WDR73: variants seen among roughly 807,000 people sequenced by gnomAD.
The protein encoded by WDR73 is integrator complex assembly factor WDR73.
In WDR73, 30 loss-of-function variants were observed where a neutral mutation model predicts 38.2. That is an observed-to-expected ratio of 0.79 (90% CI 0.59 to 1.06). WDR73 has a LOEUF of 1.06. Ranked by LOEUF, WDR73 falls within the 50% of genes least tolerant of loss-of-function variation. The pLI is 0.00. For synonymous variants in WDR73, 197 were observed against 176.0 expected, an observed-to-expected ratio of 1.12 and a Z score of -0.94; for missense variants, 487 against 467.0, an observed-to-expected ratio of 1.04 and a Z score of -0.40.
rs942800814 is a variant in WDR73 at position 84,645,278 on chromosome 15, A to G, written c.883+193T>C. 15 of 1,489,858 alleles carry G rather than the reference A, an allele frequency of 1.0e-5. No homozygotes were observed. The Admixed American group carries it at 1.7e-4, about 17-fold the overall frequency. The allele number at this position is 1,489,858 out of a possible 1,614,324, so 92.3% of individuals were successfully genotyped here. A position where few individuals can be genotyped will look rare whatever the true frequency, so the allele number is the denominator to read the frequency against. On this transcript the variant is annotated intron_variant, in intron 7 of 7. Coordinates refer to ENST00000434634, the MANE Select transcript of WDR73 (RefSeq NM_032856.5). ...CTAGGCTAGGAAAGGCCTGCTGCCA[A>G]TGTGTGGAAGTTTAGTAGCCAGGGT...
Position 84,645,499 on chromosome 15 carries a change from T to TG in WDR73, c.854dup (p.Gly286ArgfsTer12), listed in dbSNP as rs781428681. The TG allele has an allele frequency of 1.6e-5, 26 of 1,612,378 alleles. No individual in the cohort carries two copies. The highest frequency in any genetic ancestry group is 2.1e-5 in the Non-Finnish European group (25 of 1,179,168). Reference sequence around the variant, plus strand: ...AGATGGCCAAGCAATTCTTCAGGCCTGGGGCCCAAGTCACTCGCAGCAGCT... The same window carrying TG: ...AGATGGCCAAGCAATTCTTCAGGCCTGGGGGCCCAAGTCACTCGCAGCAGCT... On this transcript the variant is annotated frameshift_variant, in exon 7 of 8. Coordinates refer to ENST00000434634, the MANE Select transcript of WDR73 (RefSeq NM_032856.5). LOFTEE classifies it high-confidence loss of function.
intron 7 of WDR73, 49 bp downstream of exon 7, chr15:84,645,422 C>G: frequency 6.2e-7 from 1 of 1,604,266 alleles, no homozygotes; most frequent in Non-Finnish European, 8.5e-7. Context: ...CCAACAGTCT[C>G]CTGGAAGAAA....
chr15:84,643,869 A>G (rs1010715281), intron 7 of WDR73, 146 bp from the exon 8 acceptor site: 2 of 999,920 alleles, frequency 2.0e-6, no homozygotes, highest in Middle Eastern at 3.3e-4. Context: ...CTCCCATCTC[A>G]GCCTCCCAAA....
chr15:84,644,179 T>C (rs549406622), intron 7 of WDR73: 1 of 161,306 alleles, frequency 6.2e-6, no homozygotes, highest in Non-Finnish European at 1.4e-5. Flanking sequence ...CTTAAGAGAC[T>C]TCTTCAAACC....
At position 84,645,694 on chromosome 15, in the gene WDR73, C is replaced by G. The variant is rs1224466511; in HGVS notation, c.660G>C (p.Gly220=). ...CAGCACACCATCTCTCTCCACCAGA[C>G]CCAGGGCCAGGGCTGCGATTCTCCA... ...APLENRSPGP[G]SGGERWCAEV... The change falls in exon 7 of 8, where the codon GGG becomes GGC. Residue 220 remains glycine (G), a synonymous_variant. Transcript: ENST00000434634. 2 of 1,609,424 alleles carry G rather than the reference C, an allele frequency of 1.2e-6. No individual in the cohort carries two copies. The highest frequency in any genetic ancestry group is 1.7e-5 in the Admixed American group (1 of 59,152).
intron 4 of WDR73, chr15:84,648,305 C>A: frequency 1.7e-6 from 1 of 586,608 alleles, no homozygotes; most frequent in Non-Finnish European, 3.0e-6. Context: ...GGAGCAACTC[C>A]GGTAGAACTG....
chr15:84,652,934 T>C (rs1896669834), intron 2 of WDR73, 132 bp from the exon 3 acceptor site: 1 of 566,666 alleles, frequency 1.8e-6, no homozygotes, highest in Admixed American at 3.6e-5. Context: ...GTTGTGTCTT[T>C]TTCAGACAAG....
In WDR73 at chr15:84,654,275, G is replaced by T; in HGVS notation, c.-1C>A. 2 of 1,613,960 alleles carry T rather than the reference G, an allele frequency of 1.2e-6. No individual in the cohort carries two copies. Among genetic ancestry groups the T allele is most frequent in the Middle Eastern group, 1.7e-4 (1 of 6,060 alleles). Reference sequence around the variant, plus strand: ...CCAGCCAGTCGTCCCCAGGATCCATGGCAACGACCGCTTCCGGCGTCTCAC... The same window carrying T: ...CCAGCCAGTCGTCCCCAGGATCCATTGCAACGACCGCTTCCGGCGTCTCAC... On this transcript the variant is annotated 5_prime_UTR_variant, in exon 1 of 8. Coordinates refer to ENST00000434634, the MANE Select transcript of WDR73 (RefSeq NM_032856.5).
rs948919236 is a variant in WDR73, at chr15:84,641,739, ACTC to A, written c.*1728_*1730del. Reference sequence around the variant, plus strand: ...ACCATGTTGGCCAGGCTGGTCTTGAACTCCTGACCTCAAGTGATCCACCCACCT... The same window carrying A: ...ACCATGTTGGCCAGGCTGGTCTTGAACTGACCTCAAGTGATCCACCCACCT... On this transcript the variant is annotated 3_prime_UTR_variant, in exon 8 of 8. Coordinates refer to ENST00000434634, the MANE Select transcript of WDR73 (RefSeq NM_032856.5). The A allele has an allele frequency of 5.7e-4, 87 of 151,316 alleles. No homozygotes were observed. The highest frequency in any genetic ancestry group is 1.9e-3 in the African/African-American group (78 of 41,222). The allele number at this position is 151,316 out of a possible 1,614,324, so 9.4% of individuals were successfully genotyped here. A position where few individuals can be genotyped will look rare whatever the true frequency, so the allele number is the denominator to read the frequency against.
In WDR73 at chr15:84,653,714, C is replaced by T. The variant is rs1596057604; in HGVS notation, c.42-15G>A. ...AATCCTGGTACCTGCACAAAAGGGACACAGAATCACACGATGCACAGCACT... is the reference window on the plus strand; with the variant it reads ...AATCCTGGTACCTGCACAAAAGGGATACAGAATCACACGATGCACAGCACT... On this transcript the variant is annotated splice_polypyrimidine_tract_variant and intron_variant, in intron 1 of 7. Transcript: ENST00000434634. 6.4e-7 allele frequency: 1 copy of T among 1,571,874 alleles called. No homozygotes were observed. The highest frequency in any genetic ancestry group is 8.7e-7 in the Non-Finnish European group (1 of 1,155,466).
Position 84,646,360 on chromosome 15 carries a change from CGAA to C in WDR73, c.353-15_353-13del. 1 of 1,599,290 alleles carries C rather than the reference CGAA, an allele frequency of 6.3e-7. No homozygotes were observed. ...AGCTTTAATGACATCTAGGGGAAAA[CGAA>C]GAGGCCAAAATCCAGAACTTTAATG... On this transcript the variant is annotated splice_polypyrimidine_tract_variant and intron_variant, in intron 5 of 7. Coordinates refer to ENST00000434634, the MANE Select transcript of WDR73 (RefSeq NM_032856.5).
At chr15:84,647,688 G>C in intron 5 of WDR73, 1 of 590,956 alleles carries the variant, frequency 1.7e-6, no homozygotes, top group South Asian at 2.1e-5. Flanking sequence ...AATAGAGACA[G>C]GTTTCACCAT....
chr15:84,651,817 G>A (rs1475736274), intron 3 of WDR73, among the ~76,000 whole-genome samples: 1 of 152,070 alleles, frequency 6.6e-6, no homozygotes, highest in Non-Finnish European at 1.5e-5. Context: ...TGTAGCAGAG[G>A]TCACCAAGAG....
Position 84,643,637 on chromosome 15 carries a change from G to T in WDR73, c.970C>A (p.Leu324Ile), listed in dbSNP as rs761679737. 1 of 1,612,826 alleles carries T rather than the reference G, an allele frequency of 6.2e-7. No individual in the cohort carries two copies. Among genetic ancestry groups the T allele is most frequent in the Non-Finnish European group, 8.5e-7 (1 of 1,179,408 alleles). The change falls in exon 8 of 8, where the codon CTC becomes ATC. Residue 324 changes from leucine (L) to isoleucine (I), a missense_variant. By Grantham distance (5) the Leu-to-Ile change is conservative. Transcript: ENST00000434634. ...QDGTRSQVEP[L>I]FTHRGHIFLD... ...AAGATGTGACCTCTGTGAGTGAAGA[G>T]AGGTTCTACTTGGCTCCGTGTTCCA...
At chr15:84,652,318 A>T (rs1009196433) in intron 3 of WDR73, among the ~76,000 whole-genome samples, 1 of 151,700 alleles carries the variant, frequency 6.6e-6, no homozygotes, top group African/African-American at 2.4e-5. Flanking sequence ...TTCTTTGGGG[A>T]GGGGGGGTGC....
chr15:84,653,196 CT>C, intron 2 of WDR73: 1 of 196,824 alleles, frequency 5.1e-6, no homozygotes. Flanking sequence ...AGCCTGAAGA[CT>C]TTTTTTGTTA....
At chr15:84,650,402 C>T (rs1203274412) in intron 3 of WDR73, among the ~76,000 whole-genome samples, 1 of 151,990 alleles carries the variant, frequency 6.6e-6, no homozygotes, top group African/African-American at 2.4e-5. Flanking sequence ...CACTCTGTCA[C>T]CCAGGCTGGA....
Position 84,643,733 on chromosome 15 carries a change from C to T in WDR73, c.884-10G>A, listed in dbSNP as rs1317085490. The T allele has an allele frequency of 1.2e-6, 2 of 1,607,672 alleles. No homozygotes were observed. Among genetic ancestry groups the T allele is most frequent in the Non-Finnish European group, 1.7e-6 (2 of 1,177,178 alleles). ...ACTGTACCATCAAAACCTGAGAATA[C>T]AGAAAAGAGAGGCTTGACAATGAGT... On this transcript the variant is annotated splice_polypyrimidine_tract_variant and intron_variant, in intron 7 of 7. Coordinates refer to ENST00000434634, the MANE Select transcript of WDR73 (RefSeq NM_032856.5).
In WDR73 at chr15:84,645,690, C is replaced by A; in HGVS notation, c.664G>T (p.Gly222Cys). ...ACTTCAGCACACCATCTCTCTCCAC[C>A]AGACCCAGGGCCAGGGCTGCGATTC... is the stretch of plus-strand genomic sequence containing the variant. ...LENRSPGPGS[G>C]GERWCAEVGS... The change falls in exon 7 of 8, where the codon GGT (glycine) becomes TGT (cysteine). Residue 222 changes from glycine to cysteine, a missense_variant. Physicochemically the swap from Gly to Cys is radical, Grantham distance 159 (BLOSUM62 -3). Transcript: ENST00000434634. The A allele has an allele frequency of 6.2e-7, 1 of 1,609,034 alleles. No homozygotes were observed. Among genetic ancestry groups the A allele is most frequent in the Non-Finnish European group, 8.5e-7 (1 of 1,177,810 alleles).
Sources: gnomAD v4.1 joint callset for allele counts (sites outside exome capture counted in the v4.1 genomes callset) on GRCh38, gnomAD v4.1.1 for gene constraint, MANE v1.5 for transcripts, NCBI Gene and HGNC (gene_info 2026-07-23, HGNC 2026-07-21) for gene names.